Variants in ANLN observed in about 807,000 individuals in gnomAD.
ANLN encodes the protein anillin, actin binding protein, also known as anillin.
Under a neutral mutation model 135.1 loss-of-function variants are expected in ANLN, and 59 were observed. The observed-to-expected ratio is 0.44, with a 90% CI of 0.35 to 0.54. The LOEUF is 0.54. ANLN is among the 20% of genes least tolerant of loss of function. The pLI is 0.00. For synonymous variants in ANLN, 406 were observed against 456.4 expected (o/e 0.89, Z 1.41); for missense variants, 1,182 against 1,340.0 (o/e 0.88, Z 1.84).
At chr7:36,439,411 T>A in intron 21 of ANLN, 121 bp downstream of exon 21, 1 of 616,370 alleles carries the variant, frequency 1.6e-6, no homozygotes, top group South Asian at 2.1e-5. Flanking sequence ...AAGATTTGTT[T>A]TATGTCCTTT....
chr7:36,446,625 C>T (rs565134800), intron 22 of ANLN, among the ~76,000 whole-genome samples: 2 of 152,238 alleles, frequency 1.3e-5, no homozygotes, highest in African/African-American at 4.8e-5. Flanking sequence ...TCAGTTCATG[C>T]GAGAACTCAT....
intron 3 of ANLN, chr7:36,403,639 A>G (rs1394228370): frequency 2.0e-5 from 3 of 152,114 alleles, no homozygotes; most frequent in Non-Finnish European, 4.4e-5. Context: ...GAGGATGTAT[A>G]TCAATGAGGG....
intron 22 of ANLN, among the ~76,000 whole-genome samples, chr7:36,448,011 C>CTT (rs1789085402): frequency 6.6e-6 from 1 of 151,726 alleles, no homozygotes; most frequent in South Asian, 2.1e-4. Flanking sequence ...ATATGTTTCA[C>CTT]TTTTTTCTTT....
chr7:36,392,808 C>T (rs56326365), intron 1 of ANLN, among the ~76,000 whole-genome samples: 7,859 of 151,740 alleles, frequency 0.052, 316 homozygotes, highest in Non-Finnish European at 0.081. Flanking sequence ...CATTCATATA[C>T]GTTTGAATGA....
At chr7:36,432,063 T>A (rs1378310743) in intron 20 of ANLN, among the ~76,000 whole-genome samples, 2 of 151,814 alleles carry the variant, frequency 1.3e-5, no homozygotes, top group African/African-American at 4.8e-5. Context: ...CATCAAAGAA[T>A]AAAAAAATAT....
At chr7:36,449,501 A>G (rs569643475) in intron 22 of ANLN, 164 bp from the exon 23 acceptor site, 2 of 555,050 alleles carry the variant, frequency 3.6e-6, no homozygotes, top group East Asian at 6.2e-5. Context: ...AGCTAGGAAC[A>G]ATAATAAATG....
At chr7:36,422,545 G>A in intron 13 of ANLN, 88 bp from the exon 14 acceptor site, 1 of 1,195,394 alleles carries the variant, frequency 8.4e-7, no homozygotes, top group East Asian at 2.5e-5. Flanking sequence ...GTTACGTACA[G>A]TTTCCATATC....
At chr7:36,419,915 A>AC (rs1391862521) in intron 10 of ANLN, among the ~76,000 whole-genome samples, 5 of 152,068 alleles carry the variant, frequency 3.3e-5, no homozygotes, top group African/African-American at 1.2e-4. Context: ...ATTAGCTTTC[A>AC]CCCTCAATTG....
At chr7:36,393,845 G>T (rs1319713763) in intron 1 of ANLN, among the ~76,000 whole-genome samples, 1 of 152,220 alleles carries the variant, frequency 6.6e-6, no homozygotes, top group African/African-American at 2.4e-5. Context: ...CTTATCTCAA[G>T]GTCAGTGCTT....
chr7:36,402,578 C>T (rs1786999208), intron 3 of ANLN, among the ~76,000 whole-genome samples: 1 of 152,110 alleles, frequency 6.6e-6, no homozygotes, highest in African/African-American at 2.4e-5. Flanking sequence ...GATTAAATTC[C>T]AATCTGGACC....
chr7:36,400,368 C>CT (rs898476488), intron 3 of ANLN, among the ~76,000 whole-genome samples: 5 of 151,212 alleles, frequency 3.3e-5, no homozygotes, highest in Admixed American at 2.0e-4. Flanking sequence ...TTTTTCTTTT[C>CT]TTTTTTTTTG....
chr7:36,452,290 G>C (rs928386262), intron 23 of ANLN, among the ~76,000 whole-genome samples, 187 bp from the exon 24 acceptor site: 1 of 152,226 alleles, frequency 6.6e-6, no homozygotes, highest in East Asian at 1.9e-4. Flanking sequence ...CCAAACTGGG[G>C]ATAATTTTCC....
chr7:36,391,978 G>A (rs1214885312), intron 1 of ANLN, among the ~76,000 whole-genome samples: 1 of 150,512 alleles, frequency 6.6e-6, no homozygotes, highest in Admixed American at 6.6e-5. Flanking sequence ...TCGCAGTGTC[G>A]CCCAGGTGAC....
chr7:36,446,901 G>A (rs926689365), intron 22 of ANLN, among the ~76,000 whole-genome samples: 3 of 152,086 alleles, frequency 2.0e-5, no homozygotes, highest in South Asian at 2.1e-4. Flanking sequence ...CTCAATGACC[G>A]TAGCTTTAAA....
intron 1 of ANLN, among the ~76,000 whole-genome samples, chr7:36,393,098 G>A (rs1208824375): frequency 1.3e-5 from 2 of 150,956 alleles, no homozygotes; most frequent in East Asian, 1.9e-4. Flanking sequence ...ATCTTGGCTC[G>A]GTGTCACTTC....
At chr7:36,400,014 T>C (rs915977781) in intron 3 of ANLN, among the ~76,000 whole-genome samples, 1 of 151,812 alleles carries the variant, frequency 6.6e-6, no homozygotes, top group African/African-American at 2.4e-5. Flanking sequence ...AGATGACTTA[T>C]AAAAATATCT....
chr7:36,414,821 A>G (rs1787573820), intron 7 of ANLN, among the ~76,000 whole-genome samples: 1 of 152,232 alleles, frequency 6.6e-6, no homozygotes, highest in African/African-American at 2.4e-5. Context: ...ACCTGGAACA[A>G]GAGTACCTGG....
At chr7:36,426,848 T>G (rs1583633976) in intron 19 of ANLN, 68 bp from the exon 20 acceptor site, 1 of 863,596 alleles carries the variant, frequency 1.2e-6, no homozygotes, top group East Asian at 2.8e-5. Flanking sequence ...TGGGATGGGG[T>G]GAGGAATTGT....
chr7:36,420,056 A>C, intron 10 of ANLN, 113 bp from the exon 11 acceptor site: 1 of 1,011,736 alleles, frequency 9.9e-7, no homozygotes. Flanking sequence ...ATGATGAATC[A>C]ATCAGCTTAC....
Sources: allele counts gnomAD v4.1 joint callset (sites outside exome capture counted in the v4.1 genomes callset), GRCh38; gene constraint gnomAD v4.1.1; transcripts MANE v1.5; gene names NCBI Gene and HGNC (gene_info 2026-07-23, HGNC 2026-07-21).